HOOK3: variants seen among roughly 807,000 people sequenced by gnomAD.
HOOK3 encodes protein Hook homolog 3.
In HOOK3, 24 loss-of-function variants were observed where a neutral mutation model predicts 116.3. The ratio of observed to expected loss-of-function variants is 0.21; its 90% CI spans 0.15 to 0.29. HOOK3 has a LOEUF of 0.29. Ranked by LOEUF, HOOK3 falls within the 10% of genes least tolerant of loss-of-function variation. The pLI is 1.00. For synonymous variants in HOOK3, 275 were observed against 283.0 expected (o/e 0.97, Z 0.28); for missense variants, 632 against 830.2 (o/e 0.76, Z 2.93).
Position 43,013,367 on chromosome 8 carries a change from A to G in HOOK3, c.1983A>G (p.Glu661=), listed in dbSNP as rs1024490285. 1 of 1,585,488 alleles carries G rather than the reference A, an allele frequency of 6.3e-7. No individual in the cohort carries two copies. The highest frequency in any genetic ancestry group is 8.5e-7 in the Non-Finnish European group (1 of 1,169,720). ...AAACAAAGAGTCAGAGAGAGATGGA[A>G]GAGAAATATATTGTTAGTGCCTGGT... The part of the protein sequence containing the change: ...YEKTKSQREM[E]EKYIVSAWYN... The change falls in exon 21 of 22, where the codon GAA becomes GAG. Residue 661 remains glutamate, a synonymous_variant. Coordinates refer to ENST00000307602, the MANE Select transcript of HOOK3 (RefSeq NM_032410.4).
At position 43,013,035 on chromosome 8, in the gene HOOK3, T is replaced by C. The variant is rs755160403; in HGVS notation, c.1840-16T>C. ...GTTTGAGACTTTTTAAATTTTTCTT[T>C]TATTATTTTTTGCAGGTCATCCGTA... On this transcript the variant is annotated splice_polypyrimidine_tract_variant and intron_variant, in intron 19 of 21. Transcript: ENST00000307602. 1 of 1,514,736 alleles carries C rather than the reference T, an allele frequency of 6.6e-7. No individual in the cohort carries two copies. The highest frequency in any genetic ancestry group is 9.0e-7 in the Non-Finnish European group (1 of 1,107,520). 93.8% of individuals were successfully genotyped at this position (1,514,736 alleles called of 1,614,324 possible). A position where few individuals can be genotyped will look rare whatever the true frequency, so the allele number is the denominator to read the frequency against.
intron 4 of HOOK3, among the ~76,000 whole-genome samples, chr8:42,942,048 C>T (rs1490705581): frequency 6.6e-6 from 1 of 152,116 alleles, no homozygotes; most frequent in Non-Finnish European, 1.5e-5. Flanking sequence ...TACTTGAGGT[C>T]AGGAGTTTGA....
chr8:42,980,540 G>T (rs989632148), intron 13 of HOOK3, among the ~76,000 whole-genome samples: 5 of 152,000 alleles, frequency 3.3e-5, no homozygotes, highest in African/African-American at 7.2e-5. Context: ...ATCCATCCAT[G>T]GATTAATATG....
chr8:42,972,652 A>C (rs1343450620), intron 11 of HOOK3, among the ~76,000 whole-genome samples: 1 of 152,074 alleles, frequency 6.6e-6, no homozygotes, highest in African/African-American at 2.4e-5. Flanking sequence ...CTCCCACCTC[A>C]GCTTCCCAAA....
At chr8:42,920,877 G>C (rs1807643684) in intron 2 of HOOK3, among the ~76,000 whole-genome samples, 1 of 152,174 alleles carries the variant, frequency 6.6e-6, no homozygotes, top group Non-Finnish European at 1.5e-5. Context: ...TCAATGCCTG[G>C]TATGTTGCTG....
chr8:42,958,155 G>A (rs1808469966), intron 7 of HOOK3, among the ~76,000 whole-genome samples: 1 of 152,104 alleles, frequency 6.6e-6, no homozygotes, highest in Non-Finnish European at 1.5e-5. Context: ...TTAATGAAGT[G>A]TTAATTACAT....
chr8:43,021,670 CTTT>C lies in HOOK3; in HGVS notation c.*3184_*3186del, dbSNP rs1165857231. On this transcript the variant is annotated 3_prime_UTR_variant, in exon 22 of 22. Transcript: ENST00000307602. ...GATGTTTACATTTATAATTTTCTTT[CTTT>C]TTTTTTTTTTTGTGAGATGATGTCT... is the stretch of plus-strand genomic sequence containing the variant. The C allele has an allele frequency of 3.2e-4, 47 of 149,180 alleles. No individual in the cohort carries two copies. Among genetic ancestry groups the C allele is most frequent in the East Asian group, 9.5e-4 (7 of 7,404 alleles). 9.2% of individuals were successfully genotyped at this position (149,180 alleles called of 1,614,324 possible).
chr8:43,022,152 C>A lies in HOOK3; in HGVS notation c.*3654C>A. 5.0e-6 allele frequency: 1 copy of A among 198,326 alleles called. No individual in the cohort carries two copies. The highest frequency in any genetic ancestry group is 1.0e-5 in the Non-Finnish European group (1 of 96,552). The allele number at this position is 198,326 out of a possible 1,614,324, so 12.3% of individuals were successfully genotyped here. A position where few individuals can be genotyped will look rare whatever the true frequency, so the allele number is the denominator to read the frequency against. On this transcript the variant is annotated 3_prime_UTR_variant, in exon 22 of 22. Transcript: ENST00000307602. ...TCAGAAAGCCAAGAATAAAATTTAGCTCTAACGGTGGCAACTCCATGTCCG... is the reference window on the plus strand; with the variant it reads ...TCAGAAAGCCAAGAATAAAATTTAGATCTAACGGTGGCAACTCCATGTCCG...
intron 2 of HOOK3, among the ~76,000 whole-genome samples, chr8:42,922,059 G>A (rs984825742): frequency 6.6e-6 from 1 of 152,178 alleles, no homozygotes; most frequent in Admixed American, 6.5e-5. Flanking sequence ...TTATCCACGT[G>A]CTAAACAATG....
chr8:42,918,420 A>AT (rs532367377), intron 2 of HOOK3, among the ~76,000 whole-genome samples: 105 of 151,654 alleles, frequency 6.9e-4, no homozygotes, highest in Non-Finnish European at 1.1e-3. Flanking sequence ...TTTTTTTAAC[A>AT]TTTTTTTTTA....
chr8:42,993,850 GT>G (rs1193953070), intron 15 of HOOK3, among the ~76,000 whole-genome samples: 1 of 151,632 alleles, frequency 6.6e-6, no homozygotes, highest in Non-Finnish European at 1.5e-5. Context: ...GTAATGTCTC[GT>G]TTTTTTGTCT....
chr8:42,927,536 G>A (rs1281526701), intron 3 of HOOK3, among the ~76,000 whole-genome samples: 4 of 152,088 alleles, frequency 2.6e-5, no homozygotes, highest in African/African-American at 4.8e-5. Context: ...GTTTACAGGC[G>A]TGAGCCACTG....
intron 5 of HOOK3, among the ~76,000 whole-genome samples, chr8:42,950,147 C>T (rs564090556): frequency 4.8e-4 from 73 of 152,124 alleles, no homozygotes; most frequent in Non-Finnish European, 7.3e-4. Context: ...ATTCCATTCT[C>T]GTGACCTGTA....
chr8:42,929,729 T>C (rs1429134296), intron 3 of HOOK3, among the ~76,000 whole-genome samples: 1 of 152,176 alleles, frequency 6.6e-6, no homozygotes, highest in African/African-American at 2.4e-5. Context: ...TAGAACTTAA[T>C]TTCTATATAG....
At chr8:42,990,434 G>A (rs1276548164) in intron 15 of HOOK3, among the ~76,000 whole-genome samples, 2 of 135,086 alleles carry the variant, frequency 1.5e-5, no homozygotes, top group East Asian at 2.4e-4. Flanking sequence ...TTGACAGCCC[G>A]GGCTCAAGCG....
chr8:42,939,903 C>G (rs906273215), intron 4 of HOOK3, among the ~76,000 whole-genome samples: 1 of 151,452 alleles, frequency 6.6e-6, no homozygotes, highest in African/African-American at 2.4e-5. Flanking sequence ...GGCAGAGACA[C>G]TCCTCACTTC....
intron 17 of HOOK3, among the ~76,000 whole-genome samples, chr8:43,006,166 G>A (rs1349776237): frequency 1.3e-4 from 18 of 143,824 alleles, no homozygotes; most frequent in South Asian, 2.3e-4. Context: ...GACTACAGGC[G>A]CCCACCACCA....
chr8:42,919,880 G>A (rs867259626), intron 2 of HOOK3, among the ~76,000 whole-genome samples: 13 of 152,146 alleles, frequency 8.5e-5, no homozygotes, highest in Middle Eastern at 6.8e-3. Context: ...GCAGTGAGTC[G>A]AGATGGCAGC....
At chr8:43,005,855 C>A (rs944091486) in intron 17 of HOOK3, among the ~76,000 whole-genome samples, 1 of 150,722 alleles carries the variant, frequency 6.6e-6, no homozygotes, top group Non-Finnish European at 1.5e-5. Flanking sequence ...CCCCACCACA[C>A]CCAGCTCATT....
Sources: allele counts gnomAD v4.1 joint callset (sites outside exome capture counted in the v4.1 genomes callset), GRCh38; gene constraint gnomAD v4.1.1; transcripts MANE v1.5; gene names NCBI Gene and HGNC (gene_info 2026-07-23, HGNC 2026-07-21).